The following GRIK2 variants were observed in gnomAD, a reference collection of about 807,000 sequenced individuals.
GRIK2 encodes glutamate receptor ionotropic, kainate 2.
GRIK2 carries 32 observed loss-of-function variants against 100.3 expected under a neutral mutation model. The observed-to-expected ratio is 0.32, with a 90% CI of 0.24 to 0.43. The LOEUF (loss-of-function observed/expected upper bound fraction) is 0.43. GRIK2 is among the 20% of genes least tolerant of loss of function. GRIK2 has a pLI of 1.00. For missense variants in GRIK2, 843 were observed against 1,114.9 expected (o/e 0.76, Z 3.47); for synonymous variants, 417 against 389.4 (o/e 1.07, Z -0.83).
chr6:101,974,616 T>C (rs918436461), intron 14 of GRIK2, among the ~76,000 whole-genome samples: 26 of 152,044 alleles, frequency 1.7e-4, no homozygotes, highest in Non-Finnish European at 3.4e-4. Context: ...ATTTCTTTTC[T>C]GAGAAATCTT....
At chr6:101,581,470 G>T (rs1298494706) in intron 2 of GRIK2, among the ~76,000 whole-genome samples, 1 of 152,034 alleles carries the variant, frequency 6.6e-6, no homozygotes, top group African/African-American at 2.4e-5. Context: ...CATCCAGCAT[G>T]GGAGAAAGAT....
chr6:101,532,731 TA>T (rs1330021212), intron 2 of GRIK2, among the ~76,000 whole-genome samples: 1 of 151,552 alleles, frequency 6.6e-6, no homozygotes, highest in African/African-American at 2.4e-5. Flanking sequence ...AATGGAATCT[TA>T]AAAAGAATCT....
chr6:101,748,458 TATTA>T (rs1288157320), intron 7 of GRIK2, among the ~76,000 whole-genome samples: 4 of 152,150 alleles, frequency 2.6e-5, no homozygotes, highest in Admixed American at 6.5e-5. Flanking sequence ...ACATTAAGTA[TATTA>T]ATTAAACCAT....
chr6:101,973,843 A>G (rs1257045453), intron 14 of GRIK2, among the ~76,000 whole-genome samples: 1 of 151,970 alleles, frequency 6.6e-6, no homozygotes, highest in Non-Finnish European at 1.5e-5. Flanking sequence ...ATTGTATAGC[A>G]CATCTGATTG....
At chr6:101,506,661 G>C (rs1774040323) in intron 2 of GRIK2, among the ~76,000 whole-genome samples, 1 of 152,016 alleles carries the variant, frequency 6.6e-6, no homozygotes, top group African/African-American at 2.4e-5. Context: ...GTCGAACTTT[G>C]CTTTCTAATT....
chr6:101,537,950 G>A lies in GRIK2; in HGVS notation c.116-83999G>A, dbSNP rs375608976. Among the ~76,000 whole-genome samples, 159 of 151,858 alleles carry A rather than the reference G, an allele frequency of 1.0e-3. 9 individuals are homozygous for A. The South Asian group carries it at 0.032, about 31-fold the overall frequency. ...GCAAGAAGTATTCCGAAATATGATGGAGATGAACTATTCAGTTTCAGAATG... is the reference window on the plus strand; with the variant it reads ...GCAAGAAGTATTCCGAAATATGATGAAGATGAACTATTCAGTTTCAGAATG... On this transcript the variant is annotated intron_variant, in intron 2 of 16. Transcript: ENST00000369134.
At chr6:101,787,925 T>G (rs531523884) in intron 7 of GRIK2, among the ~76,000 whole-genome samples, 1 of 152,230 alleles carries the variant, frequency 6.6e-6, no homozygotes, top group African/African-American at 2.4e-5. Flanking sequence ...TGTATTGTAG[T>G]CTGTCTGTCT....
chr6:101,598,578 G>T (rs1779036501), intron 2 of GRIK2, among the ~76,000 whole-genome samples: 2 of 136,186 alleles, frequency 1.5e-5, no homozygotes, highest in Non-Finnish European at 3.1e-5. Context: ...TTGCTCCAGG[G>T]CTCTCTTCCT....
chr6:102,041,797 A>AT (rs199524802), intron 15 of GRIK2, among the ~76,000 whole-genome samples: 1 of 137,580 alleles, frequency 7.3e-6, no homozygotes, highest in African/African-American at 2.6e-5. Flanking sequence ...GTTTTAGAAA[A>AT]TTAAAAAAAA....
chr6:101,577,861 A>T (rs532295274), intron 2 of GRIK2, among the ~76,000 whole-genome samples: 3 of 152,304 alleles, frequency 2.0e-5, no homozygotes, highest in South Asian at 4.1e-4. Flanking sequence ...GATGCCATTA[A>T]TCTAATGAAT....
intron 14 of GRIK2, among the ~76,000 whole-genome samples, chr6:102,004,396 G>A (rs923898650): frequency 6.6e-6 from 1 of 150,614 alleles, no homozygotes; most frequent in South Asian, 2.1e-4. Context: ...CTTTTAGGAT[G>A]TTAGAGAGTG....
At chr6:101,774,670 A>G (rs1387808398) in intron 7 of GRIK2, among the ~76,000 whole-genome samples, 2 of 152,152 alleles carry the variant, frequency 1.3e-5, no homozygotes, top group Admixed American at 6.5e-5. Context: ...ACTTGTTGGC[A>G]TTTTCTTACC....
At chr6:101,790,114 A>G (rs1043659377) in intron 7 of GRIK2, among the ~76,000 whole-genome samples, 4 of 152,152 alleles carry the variant, frequency 2.6e-5, no homozygotes, top group African/African-American at 7.2e-5. Context: ...GGGCTGAGAC[A>G]ATGGGGTTTT....
chr6:102,035,479 A>G lies in GRIK2; in HGVS notation c.2224A>G (p.Ile742Val). 2.5e-6 allele frequency: 4 copies of G among 1,609,280 alleles called. No homozygotes were observed. The highest frequency in any genetic ancestry group is 2.5e-6 in the Non-Finnish European group (3 of 1,176,514). The part of the protein sequence containing the change: ...DYAFLMESTT[I>V]EFVTQRNCNL... ...TGCTTTCCTAATGGAGTCAACAACC[A>G]TCGAGTTTGTTACCCAGCGGAACTG... is the stretch of plus-strand genomic sequence containing the variant. Residue 742 changes from isoleucine (I) to valine (V), a missense_variant, in exon 15 of 17, where the codon ATC (isoleucine) becomes GTC (valine). By Grantham distance (29) the Ile-to-Val change is conservative. Around this residue, in one of 3 missense-constraint regions of GRIK2, gnomAD observed 237 missense variants for 388.0 expected, o/e 0.61. Transcript: ENST00000369134.
intron 4 of GRIK2, among the ~76,000 whole-genome samples, chr6:101,667,925 A>G (rs1181094518): frequency 1.3e-5 from 2 of 152,150 alleles, no homozygotes; most frequent in Admixed American, 6.6e-5. Flanking sequence ...TTAGCTACAA[A>G]TAATCAATTA....
At chr6:101,632,970 A>G (rs924884826) in intron 4 of GRIK2, among the ~76,000 whole-genome samples, 8 of 152,146 alleles carry the variant, frequency 5.3e-5, no homozygotes, top group African/African-American at 1.4e-4. Flanking sequence ...AGAAGAGTCT[A>G]CAGTGTGCAA....
chr6:101,468,590 G>T (rs1030095310), intron 2 of GRIK2, among the ~76,000 whole-genome samples: 5 of 152,190 alleles, frequency 3.3e-5, no homozygotes, highest in Admixed American at 3.3e-4. Context: ...GTTGCCTCTT[G>T]TAGTTTTTAG....
chr6:101,872,428 T>C lies in GRIK2; in HGVS notation c.1524+12935T>C, dbSNP rs556362744. ...AAATGCTGAGTAAAGCAGGGAAAAG[T>C]CCCTTATAAAACCATCAGATCATGA... On this transcript the variant is annotated intron_variant, in intron 11 of 16. Coordinates refer to ENST00000369134, the MANE Select transcript of GRIK2 (RefSeq NM_021956.5). 1.3e-4 allele frequency among the ~76,000 whole-genome samples: 19 copies of C among 151,700 alleles called. No homozygotes were observed. In the South Asian group the frequency reaches 3.7e-3, roughly 30 times the overall value.
chr6:101,825,653 A>G (rs73761437), intron 10 of GRIK2, among the ~76,000 whole-genome samples: 10,445 of 152,074 alleles, frequency 0.069, 894 homozygotes, highest in African/African-American at 0.21. Context: ...ATTATTGTCC[A>G]TACTATAAAA....
Sources: gnomAD v4.1 joint callset for allele counts (sites outside exome capture counted in the v4.1 genomes callset) on GRCh38, gnomAD v4.1.1 for gene constraint, gnomAD v4.1.1 regional missense constraint, MANE v1.5 for transcripts, NCBI Gene and HGNC (gene_info 2026-07-23, HGNC 2026-07-21) for gene names.